MYO18B: variants seen among roughly 807,000 people sequenced by gnomAD.
MYO18B encodes unconventional myosin-XVIIIb.
Under a neutral mutation model 273.0 loss-of-function variants are expected in MYO18B, and 204 were observed. That is an observed-to-expected ratio of 0.75 (90% CI 0.67 to 0.84). The LOEUF (loss-of-function observed/expected upper bound fraction) is 0.84, where lower values mean the gene tolerates loss of function less well. Ranked by LOEUF, MYO18B falls within the 40% of genes least tolerant of loss-of-function variation. MYO18B has a pLI of 0.00. For synonymous variants in MYO18B, 1,330 were observed against 1,305.7 expected (o/e 1.02, Z -0.40); for missense variants, 3,212 against 3,287.6 (o/e 0.98, Z 0.56).
At chr22:26,051,590 A>G in the MYO18B span, among the ~76,000 whole-genome samples, 1 of 152,206 alleles carries the variant, frequency 6.6e-6, no homozygotes, top group African/African-American at 2.4e-5. Context: ...CTTCCTAAAA[A>G]TTTCATTATA....
chr22:25,966,221 G>C (rs888728009), intron 39 of MYO18B, among the ~76,000 whole-genome samples: 1 of 152,154 alleles, frequency 6.6e-6, no homozygotes, highest in African/African-American at 2.4e-5. Flanking sequence ...GAAGCCCAAA[G>C]TCAGGTTCTG....
chr22:25,846,152 CG>C lies in MYO18B; in HGVS notation c.3424del (p.Ala1142LeufsTer19), dbSNP rs34598295. 6.2e-7 allele frequency: 1 copy of C among 1,607,974 alleles called. No homozygotes were observed. The highest frequency in any genetic ancestry group is 1.3e-5 in the African/African-American group (1 of 74,764). On this transcript the variant is annotated frameshift_variant, in exon 19 of 44. Coordinates refer to ENST00000335473, the MANE Select transcript of MYO18B (RefSeq NM_032608.7). LOFTEE classifies it high-confidence loss of function. ...QARAKLPPVC[R>X]AVAGLEGTSQ... is the part of the protein sequence containing the mutation. The stretch of plus-strand genomic sequence containing the variant: ...CCGGGCCAAGCTGCCTCCTGTGTGC[CG>C]GGCTGTGGCAGGCCTGGAGGGCACC...
At position 25,747,057 on chromosome 22, in the gene MYO18B, C is replaced by T. The variant is rs192588648; in HGVS notation, c.-110+4764C>T. Among the ~76,000 whole-genome samples, 994 of 151,722 alleles carry T rather than the reference C, an allele frequency of 6.6e-3. 10 individuals are homozygous for T. The highest frequency in any genetic ancestry group is 7.4e-3 in the Non-Finnish European group (499 of 67,868). On this transcript the variant is annotated intron_variant, in intron 1 of 43. Transcript: ENST00000335473. ...GAATGGCGTGAACCCAGGAGGTGGA[C>T]CTTGCAGTGAGCCGAGATGGCACCA...
At chr22:25,903,427 A>G (rs950464604) in intron 30 of MYO18B, among the ~76,000 whole-genome samples, 1 of 152,046 alleles carries the variant, frequency 6.6e-6, no homozygotes, top group Non-Finnish European at 1.5e-5. Flanking sequence ...CCCCAACTCC[A>G]TGCCTGTAGG....
chr22:25,990,132 C>G (rs2093248923), intron 39 of MYO18B, among the ~76,000 whole-genome samples: 1 of 151,696 alleles, frequency 6.6e-6, no homozygotes. Context: ...TGCCTGCTGC[C>G]TCTCTCTCTC....
At chr22:25,906,005 C>T (rs1569175638) in intron 31 of MYO18B, among the ~76,000 whole-genome samples, 1 of 152,108 alleles carries the variant, frequency 6.6e-6, no homozygotes, top group Admixed American at 6.6e-5. Context: ...ACTTAGTGCT[C>T]GGAAGCAAAA....
Position 25,924,925 on chromosome 22 carries a change from T to G in MYO18B, c.5517+3516T>G, listed in dbSNP as rs1055811931. On this transcript the variant is annotated intron_variant, in intron 34 of 43. Transcript: ENST00000335473. Reference sequence around the variant, plus strand: ...GCAGATGAGGTTTGGTTAGCAACACTTAAGTGTGTTATTTCAGAAAATCCT... The same window carrying G: ...GCAGATGAGGTTTGGTTAGCAACACGTAAGTGTGTTATTTCAGAAAATCCT... Among the ~76,000 whole-genome samples, 5 of 152,326 alleles carry G rather than the reference T, an allele frequency of 3.3e-5. 1 individual carries two copies. The highest frequency in any genetic ancestry group is 2.6e-4 in the Admixed American group (4 of 15,304).
rs780759020 is a variant in MYO18B, at chr22:25,874,286, G to A, written c.3952G>A (p.Val1318Ile). The A allele has an allele frequency of 4.3e-6, 7 of 1,613,604 alleles. No homozygotes were observed. In the Middle Eastern group the frequency reaches 4.9e-4, roughly 114 times the overall value. The change falls in exon 23 of 44, where the codon GTT (valine) becomes ATT (isoleucine). Residue 1318 changes from valine (V) to isoleucine (I), a missense_variant and splice_region_variant. By Grantham distance (29) the Val-to-Ile change is conservative (BLOSUM62 3). Coordinates refer to ENST00000335473, the MANE Select transcript of MYO18B (RefSeq NM_032608.7). ...KKAVAVGHSQ[V>I]FLKAGVISRL... is the part of the protein sequence containing the mutation. ...CACCTGAAACCTTCCCTCTCCCCAGGTTTTTCTCAAGGCAGGTGTGATCTC... is the reference window on the plus strand; with the variant it reads ...CACCTGAAACCTTCCCTCTCCCCAGATTTTTCTCAAGGCAGGTGTGATCTC...
At chr22:25,746,257 T>C (rs2085775567) in intron 1 of MYO18B, among the ~76,000 whole-genome samples, 1 of 152,156 alleles carries the variant, frequency 6.6e-6, no homozygotes, top group South Asian at 2.1e-4. Context: ...GTGACTTGCT[T>C]TTCTGCTTGT....
In MYO18B at chr22:26,026,677, A is replaced by G; in HGVS notation, c.6703A>G (p.Thr2235Ala). The change falls in exon 43 of 44, where the codon ACA becomes GCA. Residue 2235 changes from threonine (T) to alanine (A), a missense_variant. Transcript: ENST00000335473. ...SSPLASRSTN[T>A]SPLSREKLPS... ...TCCCCTGGCTTCTCGGAGTACAAATACATCCCCGCTGTCGAGGGAAAAGCT... is the reference window on the plus strand; with the variant it reads ...TCCCCTGGCTTCTCGGAGTACAAATGCATCCCCGCTGTCGAGGGAAAAGCT... 6.2e-6 allele frequency: 10 copies of G among 1,613,884 alleles called. No individual in the cohort carries two copies. Among genetic ancestry groups the G allele is most frequent in the Non-Finnish European group, 7.6e-6 (9 of 1,179,870 alleles).
intron 39 of MYO18B, among the ~76,000 whole-genome samples, chr22:25,966,654 C>T (rs977976279): frequency 1.3e-5 from 2 of 152,148 alleles, no homozygotes; most frequent in African/African-American, 4.8e-5. Context: ...TCCTAATGGC[C>T]TCCCGCATGC....
intron 42 of MYO18B, among the ~76,000 whole-genome samples, chr22:26,012,587 A>C (rs1934997372): frequency 1.3e-5 from 2 of 152,234 alleles, no homozygotes; most frequent in African/African-American, 4.8e-5. Context: ...TGAAGTCTGA[A>C]TGTAGACACA....
At chr22:26,043,953 G>A in the MYO18B span, among the ~76,000 whole-genome samples, 15 of 152,180 alleles carry the variant, frequency 9.9e-5, no homozygotes, top group Non-Finnish European at 2.1e-4. Flanking sequence ...ATTCCTGCCA[G>A]CTGTGTAAAG....
rs2092830631 is a variant in MYO18B, at chr22:25,954,864, A to T, written c.5971-315A>T. The stretch of plus-strand genomic sequence containing the variant: ...GTAGCAGGGATTACAGGCATGCGCC[A>T]CCACGCCCGGCTAATTTTTGTATTT... On this transcript the variant is annotated intron_variant, in intron 38 of 43. Transcript: ENST00000335473. Among the ~76,000 whole-genome samples, 3 of 152,178 alleles carry T rather than the reference A, an allele frequency of 2.0e-5. No individual in the cohort carries two copies. The South Asian group carries it at 6.2e-4, about 32-fold the overall frequency.
intron 11 of MYO18B, among the ~76,000 whole-genome samples, chr22:25,789,636 G>GAA (rs34025331): frequency 0.84 from 124,183 of 148,602 alleles, 53,382 homozygotes; most frequent in Non-Finnish European, 0.95. Context: ...ACTGTCTCAA[G>GAA]AAAAAAAAAA....
Position 25,780,094 on chromosome 22 carries a change from T to C in MYO18B, c.2107T>C (p.Phe703Leu). ...IRATFTVLRA[F>L]GSVSMAHSRS... Reference sequence around the variant, plus strand: ...AGCCACCTTCACTGTCCTCCGGGCCTTCGGCTCTGTGTCCATGGCCCACAG... The same window carrying C: ...AGCCACCTTCACTGTCCTCCGGGCCCTCGGCTCTGTGTCCATGGCCCACAG... Residue 703 changes from phenylalanine (F) to leucine (L), a missense_variant, in exon 9 of 44, where the codon TTC becomes CTC. Transcript: ENST00000335473. The C allele has an allele frequency of 6.3e-7, 1 of 1,599,054 alleles. No homozygotes were observed. Among genetic ancestry groups the C allele is most frequent in the Non-Finnish European group, 8.5e-7 (1 of 1,173,852 alleles).
At chr22:26,060,308 A>G in the MYO18B span, among the ~76,000 whole-genome samples, 1 of 151,818 alleles carries the variant, frequency 6.6e-6, no homozygotes, top group Admixed American at 6.5e-5. Context: ...AGCCTAAAGT[A>G]TGTACTACCT....
At chr22:25,805,785 A>T (rs897198967) in intron 12 of MYO18B, among the ~76,000 whole-genome samples, 1 of 152,018 alleles carries the variant, frequency 6.6e-6, no homozygotes, top group Non-Finnish European at 1.5e-5. Context: ...CTCTCTTGCT[A>T]TTCCCTGCAA....
chr22:25,909,616 C>T (rs2146379168), intron 32 of MYO18B, among the ~76,000 whole-genome samples: 1 of 152,300 alleles, frequency 6.6e-6, no homozygotes, highest in Middle Eastern at 3.4e-3. Flanking sequence ...ATGGTGTGTG[C>T]CCTGAGCCAG....
Sources: gnomAD v4.1 joint callset for allele counts (sites outside exome capture counted in the v4.1 genomes callset) on GRCh38, gnomAD v4.1.1 for gene constraint, MANE v1.5 for transcripts, NCBI Gene and HGNC (gene_info 2026-07-23, HGNC 2026-07-21) for gene names.